CACNA1E: variants seen among roughly 807,000 people sequenced by gnomAD.
CACNA1E encodes calcium voltage-gated channel subunit alpha1 E, also known as voltage-dependent R-type calcium channel subunit alpha-1E.
In CACNA1E, 40 loss-of-function variants were observed where a neutral mutation model predicts 259.2. That is an observed-to-expected ratio of 0.15 (90% CI 0.12 to 0.20). The LOEUF is 0.20. CACNA1E is among the 10% of genes least tolerant of loss of function. The pLI is 1.00. For missense variants in CACNA1E, 1,874 were observed against 3,040.1 expected (o/e 0.62, Z 9.02); for synonymous variants, 1,104 against 1,138.5 (o/e 0.97, Z 0.61).
rs113857890 is a variant in CACNA1E at position 181,487,023 on chromosome 1, A to ATTTT, written c.266+3027_266+3030dup. Among the ~76,000 whole-genome samples, 261 of 145,328 alleles carry ATTTT rather than the reference A, an allele frequency of 1.8e-3. 2 individuals carry two copies. The highest frequency in any genetic ancestry group is 4.7e-3 in the African/African-American group (187 of 39,570). On this transcript the variant is annotated intron_variant, in intron 1 of 47. Coordinates refer to ENST00000367573, the MANE Select transcript of CACNA1E (RefSeq NM_001205293.3). ...CTTCTTTGCTCTTTGTAAGTGCCAG[A>ATTTT]TTTTTTTTTTTTTTTTTAAGAAAGG...
chr1:181,681,808 A>G (rs1650000066), intron 7 of CACNA1E, among the ~76,000 whole-genome samples: 1 of 152,170 alleles, frequency 6.6e-6, no homozygotes, highest in Non-Finnish European at 1.5e-5. Context: ...CCTACCTCAC[A>G]GGGTTGCCTT....
At chr1:181,404,489 A>G (rs1453984409) in intron 1 of CACNA1E, among the ~76,000 whole-genome samples, 2 of 152,236 alleles carry the variant, frequency 1.3e-5, no homozygotes, top group Admixed American at 1.3e-4. Context: ...CAGGTTAATT[A>G]TAACATAATT....
intron 40 of CACNA1E, 122 bp from the exon 41 acceptor site, chr1:181,784,539 G>C: frequency 1.6e-6 from 1 of 635,754 alleles, no homozygotes; most frequent in East Asian, 2.8e-5. Flanking sequence ...CTGTCACTCA[G>C]TGCCAAGATT....
At chr1:181,705,252 A>G (rs1240255983) in intron 7 of CACNA1E, among the ~76,000 whole-genome samples, 1 of 152,226 alleles carries the variant, frequency 6.6e-6, no homozygotes, top group African/African-American at 2.4e-5. Flanking sequence ...CCAGGCACAC[A>G]TGATAAATGT....
chr1:181,440,918 C>G (rs1174572045), intron 2 of CACNA1E, among the ~76,000 whole-genome samples: 1 of 136,246 alleles, frequency 7.3e-6, no homozygotes, highest in South Asian at 2.5e-4. Context: ...GAGGTCGAGG[C>G]TGCAGTGAGC....
intron 25 of CACNA1E, among the ~76,000 whole-genome samples, chr1:181,742,594 A>G (rs1572765772): frequency 6.6e-6 from 1 of 152,252 alleles, no homozygotes; most frequent in East Asian, 1.9e-4. Flanking sequence ...CTCAGAAACC[A>G]GGGCTGACAT....
At chr1:181,593,915 G>C (rs1028863736) in intron 6 of CACNA1E, among the ~76,000 whole-genome samples, 11 of 152,300 alleles carry the variant, frequency 7.2e-5, no homozygotes, top group South Asian at 2.1e-4. Flanking sequence ...AGCTGGGGCT[G>C]AGCCCATGAG....
At chr1:181,441,119 C>T (rs1461427854) in intron 2 of CACNA1E, among the ~76,000 whole-genome samples, 1 of 149,820 alleles carries the variant, frequency 6.7e-6, no homozygotes, top group African/African-American at 2.4e-5. Flanking sequence ...TTCATTTTAT[C>T]CTTATCATCT....
intron 7 of CACNA1E, among the ~76,000 whole-genome samples, chr1:181,703,660 T>G (rs1179906201): frequency 6.6e-6 from 1 of 152,194 alleles, no homozygotes; most frequent in Non-Finnish European, 1.5e-5. Context: ...ATAATCTTCT[T>G]TGAGTTCTCA....
At chr1:181,375,135 A>G (rs2101973714) in intron 1 of CACNA1E, among the ~76,000 whole-genome samples, 1 of 152,316 alleles carries the variant, frequency 6.6e-6, no homozygotes, top group South Asian at 2.1e-4. Context: ...GAACACAATT[A>G]GTCACAGGTG....
At chr1:181,607,285 G>A (rs145832292) in intron 6 of CACNA1E, among the ~76,000 whole-genome samples, 1 of 152,292 alleles carries the variant, frequency 6.6e-6, no homozygotes, top group Non-Finnish European at 1.5e-5. Flanking sequence ...ACCTAGTCCT[G>A]TTCTGTTTTG....
At chr1:181,725,787 C>G (rs886463013) in intron 17 of CACNA1E, among the ~76,000 whole-genome samples, 2 of 152,252 alleles carry the variant, frequency 1.3e-5, no homozygotes, top group Admixed American at 1.3e-4. Flanking sequence ...TTGGGGTAGA[C>G]TTCTCCTGGT....
intron 7 of CACNA1E, among the ~76,000 whole-genome samples, chr1:181,688,288 T>A (rs1288854115): frequency 6.6e-6 from 1 of 152,234 alleles, no homozygotes; most frequent in Non-Finnish European, 1.5e-5. Context: ...ATATGAATTG[T>A]AAAATACAGT....
intron 1 of CACNA1E, among the ~76,000 whole-genome samples, chr1:181,500,477 C>T (rs1391359666): frequency 6.6e-6 from 1 of 152,196 alleles, no homozygotes; most frequent in Non-Finnish European, 1.5e-5. Flanking sequence ...GGCTTTTCCC[C>T]CGAAGTTAAA....
At chr1:181,571,008 G>C (rs1650354714) in intron 3 of CACNA1E, among the ~76,000 whole-genome samples, 1 of 152,210 alleles carries the variant, frequency 6.6e-6, no homozygotes, top group African/African-American at 2.4e-5. Context: ...CCTTTTTGGA[G>C]GGAGGGAGCT....
At chr1:181,404,177 C>T (rs958562541) in intron 1 of CACNA1E, among the ~76,000 whole-genome samples, 8 of 152,184 alleles carry the variant, frequency 5.3e-5, no homozygotes, top group East Asian at 1.9e-4. Flanking sequence ...CCAAACTGTA[C>T]GGACGGTGCA....
intron 8 of CACNA1E, among the ~76,000 whole-genome samples, chr1:181,712,640 C>T (rs552643428): frequency 1.3e-5 from 2 of 152,326 alleles, no homozygotes; most frequent in South Asian, 4.1e-4. Flanking sequence ...GCCCTTTCTC[C>T]TCCAAGGCTG....
At chr1:181,627,101 A>G (rs1000373640) in intron 6 of CACNA1E, among the ~76,000 whole-genome samples, 3 of 152,234 alleles carry the variant, frequency 2.0e-5, no homozygotes, top group African/African-American at 4.8e-5. Flanking sequence ...GAAGAAACAA[A>G]TCCTATAAAA....
At chr1:181,377,647 A>G (rs184438328) in intron 1 of CACNA1E, among the ~76,000 whole-genome samples, 81 of 152,362 alleles carry the variant, frequency 5.3e-4, no homozygotes, top group Non-Finnish European at 7.9e-4. Flanking sequence ...CCATAATATT[A>G]GCTAACACTT....
Sources: gnomAD v4.1 joint callset for allele counts (sites outside exome capture counted in the v4.1 genomes callset) on GRCh38, gnomAD v4.1.1 for gene constraint, MANE v1.5 for transcripts, NCBI Gene and HGNC (gene_info 2026-07-23, HGNC 2026-07-21) for gene names.